Variants in CNTNAP5 observed in about 807,000 individuals in gnomAD.
The protein encoded by CNTNAP5 is contactin associated protein family member 5.
A neutral mutation model predicts 150.2 loss-of-function variants in CNTNAP5; 72 were observed. The observed-to-expected ratio is 0.48, with a 90% confidence interval of 0.40 to 0.58. The LOEUF (loss-of-function observed/expected upper bound fraction) is 0.58, where lower values mean the gene tolerates loss of function less well. Among genes scored for constraint, CNTNAP5 ranks in the 20% least tolerant of loss-of-function variants. The probability of loss-of-function intolerance (pLI) is 0.00; values close to 1 mark genes in which losing one functional copy is unlikely to be tolerated. For missense variants in CNTNAP5, 1,636 were observed against 1,626.2 expected (o/e 1.01, Z -0.10); for synonymous variants, 672 against 619.8 (o/e 1.08, Z -1.25).
At chr2:124,048,623 A>G (rs1017904499) in intron 1 of CNTNAP5, among the ~76,000 whole-genome samples, 1 of 152,242 alleles carries the variant, frequency 6.6e-6, no homozygotes, top group Admixed American at 6.5e-5. Flanking sequence ...TCAAAGGAAT[A>G]CAAATTCAAA....
intron 12 of CNTNAP5, among the ~76,000 whole-genome samples, chr2:124,626,021 G>A (rs560729564): frequency 6.6e-6 from 1 of 152,174 alleles, no homozygotes; most frequent in African/African-American, 2.4e-5. Flanking sequence ...AAATTAGATA[G>A]AATTAAATAA....
intron 3 of CNTNAP5, among the ~76,000 whole-genome samples, chr2:124,324,685 AAGG>A (rs1317517765): frequency 6.6e-6 from 1 of 152,170 alleles, no homozygotes; most frequent in East Asian, 1.9e-4. Context: ...TGGTTAGTGC[AAGG>A]AGGAGGAGAC....
intron 1 of CNTNAP5, among the ~76,000 whole-genome samples, chr2:124,116,411 A>C (rs1198093143): frequency 6.6e-6 from 1 of 152,234 alleles, no homozygotes; most frequent in Non-Finnish European, 1.5e-5. Context: ...ATTCACACAA[A>C]GGAATCAAAG....
chr2:124,583,708 T>C (rs1192357272), intron 11 of CNTNAP5, among the ~76,000 whole-genome samples: 1 of 152,166 alleles, frequency 6.6e-6, no homozygotes, highest in African/African-American at 2.4e-5. Context: ...GTGTTTCACA[T>C]CCACTACATC....
intron 3 of CNTNAP5, among the ~76,000 whole-genome samples, chr2:124,411,267 A>G (rs1691754224): frequency 6.6e-6 from 1 of 152,188 alleles, no homozygotes; most frequent in Non-Finnish European, 1.5e-5. Flanking sequence ...GTCCAGGACC[A>G]GATGGATTCA....
chr2:124,606,931 A>G (rs1181458914), intron 11 of CNTNAP5, among the ~76,000 whole-genome samples: 1 of 152,174 alleles, frequency 6.6e-6, no homozygotes, highest in Non-Finnish European at 1.5e-5. Flanking sequence ...TTAAAAACTC[A>G]TAAAAAAAGG....
chr2:124,129,182 A>G (rs1387168845), intron 1 of CNTNAP5, among the ~76,000 whole-genome samples: 5 of 152,220 alleles, frequency 3.3e-5, no homozygotes, highest in Non-Finnish European at 1.5e-5. Flanking sequence ...TGCATCATAC[A>G]TTTGTACCTT....
chr2:124,321,116 T>C lies in CNTNAP5; in HGVS notation c.381+78723T>C, dbSNP rs918704686. Among the ~76,000 whole-genome samples, 5 of 152,270 alleles carry C rather than the reference T, an allele frequency of 3.3e-5. No individual in the cohort carries two copies. The East Asian group carries it at 9.7e-4, about 29-fold the overall frequency. On this transcript the variant is annotated intron_variant, in intron 3 of 23. Coordinates refer to ENST00000682447, the MANE Select transcript of CNTNAP5 (RefSeq NM_001367498.1). ...AAACAAGCTTACCCCATTGTAAGGA[T>C]GCAGAGGAAATTCAGTGCTGGAGCT... is the stretch of plus-strand genomic sequence containing the variant.
At chr2:124,401,304 A>G (rs1691419573) in intron 3 of CNTNAP5, among the ~76,000 whole-genome samples, 1 of 152,292 alleles carries the variant, frequency 6.6e-6, no homozygotes, top group Middle Eastern at 3.4e-3. Context: ...TACATGCACA[A>G]CGCCTTCAAG....
intron 12 of CNTNAP5, among the ~76,000 whole-genome samples, chr2:124,619,243 G>A (rs1025042005): frequency 1.3e-5 from 2 of 151,948 alleles, no homozygotes; most frequent in African/African-American, 2.4e-5. Flanking sequence ...AGTCCACTGG[G>A]GACTAAGAAT....
intron 21 of CNTNAP5, among the ~76,000 whole-genome samples, chr2:124,882,216 G>A (rs1390793438): frequency 6.6e-6 from 1 of 152,086 alleles, no homozygotes. Flanking sequence ...ACATCCCTGA[G>A]GATATGCTGT....
Position 124,333,305 on chromosome 2 carries a change from C to CA in CNTNAP5, c.382-84131dup, listed in dbSNP as rs566756938. ...AAAAAAATGAAAACACACACACAAA[C>CA]AAAAAAACAAAATAAAAGGACAATT... On this transcript the variant is annotated intron_variant, in intron 3 of 23. Coordinates refer to ENST00000682447, the MANE Select transcript of CNTNAP5 (RefSeq NM_001367498.1). 8.2e-4 allele frequency among the ~76,000 whole-genome samples: 124 copies of CA among 151,904 alleles called. 1 individual carries two copies. The East Asian group carries it at 0.023, about 28-fold the overall frequency.
chr2:124,372,982 A>G (rs1247644572), intron 3 of CNTNAP5, among the ~76,000 whole-genome samples: 1 of 152,124 alleles, frequency 6.6e-6, no homozygotes, highest in Non-Finnish European at 1.5e-5. Context: ...TGACATAGAT[A>G]TAAAAGACAA....
intron 7 of CNTNAP5, among the ~76,000 whole-genome samples, chr2:124,476,283 A>C (rs890737622): frequency 2.0e-5 from 3 of 152,206 alleles, no homozygotes; most frequent in African/African-American, 7.2e-5. Flanking sequence ...TAAAGAATTC[A>C]AAAGGAGAAG....
intron 17 of CNTNAP5, among the ~76,000 whole-genome samples, chr2:124,776,911 AT>A (rs560640990): frequency 1.3e-5 from 2 of 152,096 alleles, no homozygotes; most frequent in Admixed American, 6.6e-5. Context: ...ATAAAAGTGT[AT>A]TTTTTTCAAA....
intron 13 of CNTNAP5, among the ~76,000 whole-genome samples, chr2:124,694,812 T>G (rs953479679): frequency 1.3e-5 from 2 of 152,198 alleles, no homozygotes; most frequent in Admixed American, 6.5e-5. Context: ...AACCTACAGT[T>G]AACAATTGTT....
intron 21 of CNTNAP5, among the ~76,000 whole-genome samples, chr2:124,901,428 G>A (rs757268618): frequency 6.8e-6 from 1 of 147,690 alleles, no homozygotes; most frequent in Middle Eastern, 3.4e-3. Flanking sequence ...AGAATTATAG[G>A]TTGAAGTAAG....
intron 11 of CNTNAP5, among the ~76,000 whole-genome samples, chr2:124,571,658 G>A (rs140959897): frequency 0.016 from 2,348 of 148,546 alleles, 58 homozygotes; most frequent in African/African-American, 0.055. Context: ...TCAGCCTCCC[G>A]AGTAGCTAGG....
rs754502864 is a variant in CNTNAP5, at chr2:124,763,996, C to T, written c.2382C>T (p.Val794=). 1.9e-6 allele frequency: 3 copies of T among 1,611,446 alleles called. No individual in the cohort carries two copies. The highest frequency in any genetic ancestry group is 2.2e-5 in the South Asian group (2 of 90,832). Residue 794 remains valine, a synonymous_variant, in exon 16 of 24, where the codon GTC becomes GTT. Coordinates refer to ENST00000682447, the MANE Select transcript of CNTNAP5 (RefSeq NM_001367498.1). ...TTGCAGGACGCTTCTGGAACGCCGT[C>T]TCATTTTATACAGAAGCCTCTTACC... ...CYGDRRFWNA[V]SFYTEASYLH...
Sources: allele counts gnomAD v4.1 joint callset (sites outside exome capture counted in the v4.1 genomes callset), GRCh38; gene constraint gnomAD v4.1.1; transcripts MANE v1.5; gene names NCBI Gene and HGNC (gene_info 2026-07-23, HGNC 2026-07-21).